The following TENM4 variants were observed in gnomAD, a reference collection of about 807,000 sequenced individuals.
TENM4 encodes the protein teneurin transmembrane protein 4.
A neutral mutation model predicts 243.3 loss-of-function variants in TENM4; 82 were observed. The observed-to-expected ratio is 0.34, with a 90% CI of 0.28 to 0.40. The LOEUF is 0.40. Ranked by LOEUF, TENM4 falls within the 10% of genes least tolerant of loss-of-function variation. The probability of loss-of-function intolerance (pLI) is 1.00; values close to 1 mark genes in which losing one functional copy is unlikely to be tolerated. For missense variants in TENM4, 3,138 were observed against 3,673.3 expected (o/e 0.85, Z 3.77); for synonymous variants, 1,412 against 1,456.3 (o/e 0.97, Z 0.69).
intron 6 of TENM4, among the ~76,000 whole-genome samples, chr11:78,920,021 C>G (rs1219334581): frequency 6.6e-6 from 1 of 152,174 alleles, no homozygotes; most frequent in African/African-American, 2.4e-5. Flanking sequence ...CCCCACTAAT[C>G]TGTGAGCCCC....
intron 1 of TENM4, among the ~76,000 whole-genome samples, chr11:79,400,195 A>G (rs1858432912): frequency 6.6e-6 from 1 of 151,886 alleles, no homozygotes; most frequent in African/African-American, 2.4e-5. Flanking sequence ...TGCTTTATCA[A>G]CAAGACCATA....
At chr11:79,313,865 G>A (rs1204319428) in intron 1 of TENM4, among the ~76,000 whole-genome samples, 1 of 152,062 alleles carries the variant, frequency 6.6e-6, no homozygotes, top group African/African-American at 2.4e-5. Flanking sequence ...GTAAAGGCAG[G>A]GCCATTTCCA....
chr11:79,431,445 T>G (rs370762060), intron 1 of TENM4, among the ~76,000 whole-genome samples: 1 of 152,234 alleles, frequency 6.6e-6, no homozygotes, highest in South Asian at 2.1e-4. Context: ...TCTCTGATTA[T>G]TTTCTTTGGC....
intron 6 of TENM4, among the ~76,000 whole-genome samples, chr11:78,963,621 G>C (rs970724331): frequency 2.0e-5 from 3 of 152,132 alleles, no homozygotes; most frequent in African/African-American, 7.2e-5. Flanking sequence ...CACAGAGAGC[G>C]GCTGATTATT....
intron 6 of TENM4, among the ~76,000 whole-genome samples, chr11:78,931,208 C>T (rs773837670): frequency 6.6e-6 from 1 of 152,178 alleles, no homozygotes; most frequent in African/African-American, 2.4e-5. Context: ...GCCCTGTCCA[C>T]GATTTCCCCA....
At chr11:79,281,641 T>C (rs1151200) in intron 2 of TENM4, among the ~76,000 whole-genome samples, 75,908 of 151,912 alleles carry the variant, frequency 0.5, 19,379 homozygotes, top group East Asian at 0.68. Flanking sequence ...AAAATAAGGC[T>C]CCTAGCGGGG....
chr11:79,041,509 T>C (rs34431927), intron 6 of TENM4, among the ~76,000 whole-genome samples: 1 of 144,454 alleles, frequency 6.9e-6, no homozygotes, highest in Non-Finnish European at 1.5e-5. Flanking sequence ...AAAAAAAAAA[T>C]CGAAGAAACA....
chr11:79,173,296 C>G (rs1245971532), intron 3 of TENM4, among the ~76,000 whole-genome samples: 2 of 152,092 alleles, frequency 1.3e-5, no homozygotes, highest in Admixed American at 6.5e-5. Context: ...CATTAGTGTT[C>G]TTGTGAGCCA....
intron 1 of TENM4, among the ~76,000 whole-genome samples, chr11:79,424,204 T>C (rs1002319138): frequency 2.0e-5 from 3 of 152,168 alleles, no homozygotes; most frequent in African/African-American, 7.2e-5. Context: ...GTTGTCACAA[T>C]TGGCGGGGAA....
At position 78,756,962 on chromosome 11, in the gene TENM4, G is replaced by T. The variant is rs376224501; in HGVS notation, c.2599C>A (p.Pro867Thr). The change falls in exon 19 of 34, where the codon CCG becomes ACG. Residue 867 changes from proline to threonine, a missense_variant. By Grantham distance (38) the Pro-to-Thr change is conservative. Transcript: ENST00000278550. ...GGGTTAGGGGAGCCAAGGCACAGCG[G>T]GTTGATATGGCACAGGGGCTGGAGG... ...CCLQPLCHIN[P>T]LCLGSPNPLD... 104 of 1,614,008 alleles carry T rather than the reference G, an allele frequency of 6.4e-5. No individual in the cohort carries two copies. In the Middle Eastern group the frequency reaches 8.2e-4, roughly 13 times the overall value.
chr11:79,188,342 T>C (rs1863414068), intron 3 of TENM4, among the ~76,000 whole-genome samples: 1 of 152,154 alleles, frequency 6.6e-6, no homozygotes, highest in African/African-American at 2.4e-5. Flanking sequence ...AACACATTCA[T>C]GGCCATGAAT....
chr11:78,726,824 C>G (rs954082979), intron 22 of TENM4, among the ~76,000 whole-genome samples: 5 of 152,202 alleles, frequency 3.3e-5, no homozygotes, highest in African/African-American at 1.2e-4. Flanking sequence ...TGCTGCCAGG[C>G]TTCCTGTACA....
intron 6 of TENM4, among the ~76,000 whole-genome samples, chr11:78,967,701 G>T (rs1857465695): frequency 6.6e-6 from 1 of 152,168 alleles, no homozygotes; most frequent in African/African-American, 2.4e-5. Context: ...CACATGTCCT[G>T]GTTATCAGCT....
At chr11:79,201,773 G>A (rs1416564814) in intron 3 of TENM4, among the ~76,000 whole-genome samples, 1 of 152,198 alleles carries the variant, frequency 6.6e-6, no homozygotes, top group Non-Finnish European at 1.5e-5. Context: ...AGGGTGAAGG[G>A]AAACCACTGT....
chr11:79,412,141 C>T (rs1172511342), intron 1 of TENM4, among the ~76,000 whole-genome samples: 1 of 152,180 alleles, frequency 6.6e-6, no homozygotes, highest in African/African-American at 2.4e-5. Flanking sequence ...CCGAACACCC[C>T]AAGAGGACAC....
chr11:79,288,984 A>G (rs1432453906), intron 2 of TENM4, among the ~76,000 whole-genome samples: 2 of 152,238 alleles, frequency 1.3e-5, no homozygotes, highest in African/African-American at 4.8e-5. Context: ...AGAGGCCATC[A>G]TAAGGAAAAA....
intron 2 of TENM4, chr11:79,220,938 C>A (rs1441847963): frequency 6.6e-6 from 1 of 152,206 alleles, no homozygotes; most frequent in African/African-American, 2.4e-5. Context: ...CTTCTGAAAA[C>A]CATCTCATTA....
At chr11:79,027,156 C>T (rs958118244) in intron 6 of TENM4, among the ~76,000 whole-genome samples, 1 of 152,066 alleles carries the variant, frequency 6.6e-6, no homozygotes, top group African/African-American at 2.4e-5. Flanking sequence ...AAAAGGAATG[C>T]TGTAAAATTT....
At chr11:78,732,971 T>C (rs575052931) in intron 20 of TENM4, among the ~76,000 whole-genome samples, 1 of 152,304 alleles carries the variant, frequency 6.6e-6, no homozygotes, top group Middle Eastern at 3.4e-3. Context: ...CCAAGCCTGG[T>C]CCTGGCTCTG....
Sources: allele counts gnomAD v4.1 joint callset (sites outside exome capture counted in the v4.1 genomes callset), GRCh38; gene constraint gnomAD v4.1.1; transcripts MANE v1.5; gene names NCBI Gene and HGNC (gene_info 2026-07-23, HGNC 2026-07-21).